NCAPD3: variants seen among roughly 807,000 people sequenced by gnomAD.
The protein encoded by NCAPD3 is condensin-2 complex subunit D3.
Under a neutral mutation model 182.9 loss-of-function variants are expected in NCAPD3, and 105 were observed. That is an observed-to-expected ratio of 0.57 (90% CI 0.49 to 0.68). The LOEUF (loss-of-function observed/expected upper bound fraction) is 0.68, where lower values mean the gene tolerates loss of function less well. Among genes scored for constraint, NCAPD3 ranks in the 30% least tolerant of loss-of-function variants. The pLI, the probability that NCAPD3 is intolerant of heterozygous loss-of-function variation, is 0.00. For synonymous variants in NCAPD3, 815 were observed against 679.9 expected, an observed-to-expected ratio of 1.20 and a Z score of -3.09; for missense variants, 1,944 against 1,837.0, an observed-to-expected ratio of 1.06 and a Z score of -1.07.
chr11:134,200,883 A>G (rs1212491515), intron 13 of NCAPD3, among the ~76,000 whole-genome samples: 1 of 152,230 alleles, frequency 6.6e-6, no homozygotes, highest in Non-Finnish European at 1.5e-5. Flanking sequence ...ATAACTGACT[A>G]TTACTCAGCA....
chr11:134,223,174 C>A lies in NCAPD3; in HGVS notation c.64+689G>T, dbSNP rs1424984774. 3 of 541,514 alleles carry A rather than the reference C, an allele frequency of 5.5e-6. No individual in the cohort carries two copies. In the Admixed American group the frequency reaches 9.5e-5, roughly 17 times the overall value. 33.5% of individuals were successfully genotyped at this position (541,514 alleles called of 1,614,324 possible). ...TAAAGGTGTACAGGCTTGACACATT[C>A]AAAGCTGTGTTTTCAAAAGTCGTTC... On this transcript the variant is annotated intron_variant, in intron 1 of 34. Coordinates refer to ENST00000534548, the MANE Select transcript of NCAPD3 (RefSeq NM_015261.3).
intron 16 of NCAPD3, among the ~76,000 whole-genome samples, chr11:134,189,095 C>G (rs1591845088): frequency 6.6e-6 from 1 of 152,242 alleles, no homozygotes; most frequent in South Asian, 2.1e-4. Context: ...TAAAAAATGC[C>G]TATATAGAAC....
chr11:134,185,827 T>C (rs758941807), intron 16 of NCAPD3: 4 of 202,220 alleles, frequency 2.0e-5, no homozygotes, highest in African/African-American at 4.7e-5. Flanking sequence ...CTCCAAAATT[T>C]CTACATAACT....
chr11:134,150,786 C>T lies in NCAPD3; in HGVS notation c.*2158G>A, dbSNP rs569822596. 7 of 152,104 alleles carry T rather than the reference C, an allele frequency of 4.6e-5. No individual in the cohort carries two copies. Among genetic ancestry groups the T allele is most frequent in the Non-Finnish European group, 7.3e-5 (5 of 68,032 alleles). The allele number at this position is 152,104 out of a possible 1,614,324, so 9.4% of individuals were successfully genotyped here. A position where few individuals can be genotyped will look rare whatever the true frequency, so the allele number is the denominator to read the frequency against. ...CTTTGCCACAGAGAAAGCACCCAGA[C>T]GCCACAGGCTCTGTCGCATTTCAAA... On this transcript the variant is annotated 3_prime_UTR_variant, in exon 35 of 35. Transcript: ENST00000534548.
chr11:134,176,422 T>C (rs1944167792), intron 23 of NCAPD3, 36 bp from the exon 24 acceptor site: 1 of 1,576,304 alleles, frequency 6.3e-7, no homozygotes, highest in Non-Finnish European at 8.7e-7. Flanking sequence ...TCAGAGTGCG[T>C]CATCATGGGC....
chr11:134,188,624 G>C (rs1015260824), intron 16 of NCAPD3, among the ~76,000 whole-genome samples: 2 of 152,138 alleles, frequency 1.3e-5, no homozygotes, highest in African/African-American at 4.8e-5. Flanking sequence ...TTTAAGAGCT[G>C]TAACACTCAC....
chr11:134,199,674 C>T (rs1008899883), intron 13 of NCAPD3, among the ~76,000 whole-genome samples: 2 of 152,092 alleles, frequency 1.3e-5, no homozygotes, highest in African/African-American at 2.4e-5. Flanking sequence ...TTTTGTGTTA[C>T]GTAAGTGGAG....
At chr11:134,182,255 C>CT (rs1361937738) in intron 19 of NCAPD3, among the ~76,000 whole-genome samples, 1 of 152,214 alleles carries the variant, frequency 6.6e-6, no homozygotes, top group Non-Finnish European at 1.5e-5. Flanking sequence ...CCTTGTCCAG[C>CT]TTCTCCTGAA....
Position 134,184,883 on chromosome 11 carries a change from A to G in NCAPD3, c.2335+20T>C, listed in dbSNP as rs376146519. 5.4e-5 allele frequency: 85 copies of G among 1,581,246 alleles called. No individual in the cohort carries two copies. The highest frequency in any genetic ancestry group is 6.8e-5 in the Non-Finnish European group (78 of 1,150,292). Reference sequence around the variant, plus strand: ...GAACAGCAATGCATTTTCACATAAGATTCTCCAGCAGACACTCACCAGTCA... The same window carrying G: ...GAACAGCAATGCATTTTCACATAAGGTTCTCCAGCAGACACTCACCAGTCA... On this transcript the variant is annotated intron_variant, in intron 18 of 34. Transcript: ENST00000534548.
chr11:134,219,186 C>T (rs1248360494), intron 2 of NCAPD3, among the ~76,000 whole-genome samples: 1 of 152,206 alleles, frequency 6.6e-6, no homozygotes, highest in African/African-American at 2.4e-5. Context: ...CCTTACAACC[C>T]AAGCTTCTGC....
At chr11:134,218,745 C>T (rs1244168778) in intron 2 of NCAPD3, among the ~76,000 whole-genome samples, 1 of 152,136 alleles carries the variant, frequency 6.6e-6, no homozygotes, top group East Asian at 1.9e-4. Flanking sequence ...AAAAATGTCC[C>T]TAGTTTTTAG....
chr11:134,168,016 G>C lies in NCAPD3; in HGVS notation c.3553C>G (p.Gln1185Glu). The C allele has an allele frequency of 6.2e-7, 1 of 1,614,040 alleles. No individual in the cohort carries two copies. The highest frequency in any genetic ancestry group is 8.5e-7 in the Non-Finnish European group (1 of 1,179,942). The change falls in exon 27 of 35, where the codon CAG (glutamine) becomes GAG (glutamate). Residue 1185 changes from glutamine to glutamate, a missense_variant. Gln to Glu is a conservative substitution (Grantham distance 29, BLOSUM62 2). Around this residue, in one of 3 missense-constraint regions of NCAPD3, gnomAD observed 1,803 missense variants for 1,674.6 expected, o/e 1.08. Transcript: ENST00000534548. The stretch of plus-strand genomic sequence containing the variant: ...CTCACTTGTGAGATGAGCTTCTTCT[G>C]AGCTTCCTGCATGACTACATTTGCC... ...ALANVVMQEA[Q>E]KKLISQVQKR...
chr11:134,172,314 G>C (rs565934405), intron 24 of NCAPD3, among the ~76,000 whole-genome samples: 2 of 152,178 alleles, frequency 1.3e-5, no homozygotes, highest in South Asian at 4.2e-4. Flanking sequence ...ATCCCATCTG[G>C]ACCCAATGTC....
chr11:134,217,111 C>A lies in NCAPD3; in HGVS notation c.220-13G>T. On this transcript the variant is annotated splice_polypyrimidine_tract_variant and intron_variant, in intron 2 of 34. Coordinates refer to ENST00000534548, the MANE Select transcript of NCAPD3 (RefSeq NM_015261.3). ...AGGTCCAGATACTCTGTGGGGAGACCGCAAATCACAAAAGCCAGTCATTAG... is the reference window on the plus strand; with the variant it reads ...AGGTCCAGATACTCTGTGGGGAGACAGCAAATCACAAAAGCCAGTCATTAG... The A allele has an allele frequency of 1.9e-6, 3 of 1,552,524 alleles. No individual in the cohort carries two copies. Among genetic ancestry groups the A allele is most frequent in the Non-Finnish European group, 2.6e-6 (3 of 1,151,948 alleles).
At chr11:134,154,721 T>C (rs1456074815) in intron 32 of NCAPD3, among the ~76,000 whole-genome samples, 1 of 152,228 alleles carries the variant, frequency 6.6e-6, no homozygotes, top group Non-Finnish European at 1.5e-5. Flanking sequence ...CTGAACCTGC[T>C]GCCCTTCTGC....
At chr11:134,174,970 A>C (rs951953648) in intron 24 of NCAPD3, among the ~76,000 whole-genome samples, 1 of 152,236 alleles carries the variant, frequency 6.6e-6, no homozygotes, top group Non-Finnish European at 1.5e-5. Context: ...CATGGTCTAC[A>C]TTTGAACCAT....
intron 1 of NCAPD3, among the ~76,000 whole-genome samples, chr11:134,222,469 T>G (rs1938267629): frequency 6.6e-6 from 1 of 152,248 alleles, no homozygotes; most frequent in Non-Finnish European, 1.5e-5. Flanking sequence ...GCAAATATCC[T>G]GACTTGATCA....
Position 134,168,481 on chromosome 11 carries a change from G to A in NCAPD3, c.3361C>T (p.Leu1121Phe). Residue 1121 changes from leucine (L) to phenylalanine (F), a missense_variant, in exon 26 of 35, where the codon CTT becomes TTT. Leu to Phe is a conservative substitution (Grantham distance 22). Around this residue, in one of 3 missense-constraint regions of NCAPD3, gnomAD observed 1,803 missense variants for 1,674.6 expected, o/e 1.08. Transcript: ENST00000534548. ...QRFNITSKIC[L>F]SILACFADGI... ...ACACTGGGCTTACCCAAAATACTAA[G>A]GCAGATTTTGGAAGTGATGTTGAAT... The A allele has an allele frequency of 2.5e-6, 4 of 1,614,144 alleles. No homozygotes were observed. The highest frequency in any genetic ancestry group is 2.2e-5 in the East Asian group (1 of 44,878).
At position 134,220,659 on chromosome 11, in the gene NCAPD3, T is replaced by G; in HGVS notation, c.132A>C (p.Ala44=). 1 of 1,614,002 alleles carries G rather than the reference T, an allele frequency of 6.2e-7. No individual in the cohort carries two copies. Among genetic ancestry groups the G allele is most frequent in the Non-Finnish European group, 8.5e-7 (1 of 1,179,832 alleles). ...CAGCCAATCCAGTCTCTATGATCTC[T>G]GCTTCTATGCTGGGATCCAAAGGCT... ...ETEPLDPSIE[A]EIIETGLAAF... Residue 44 remains alanine, a synonymous_variant, in exon 2 of 35, where the codon GCA becomes GCC. Coordinates refer to ENST00000534548, the MANE Select transcript of NCAPD3 (RefSeq NM_015261.3).
Sources: allele counts gnomAD v4.1 joint callset (sites outside exome capture counted in the v4.1 genomes callset), GRCh38; gene constraint gnomAD v4.1.1; regional missense constraint gnomAD v4.1.1; transcripts MANE v1.5; gene names NCBI Gene and HGNC (gene_info 2026-07-23, HGNC 2026-07-21).